Variants in PCM1 observed in about 807,000 individuals in gnomAD.
The protein encoded by PCM1 is pericentriolar material 1 protein.
PCM1 carries 157 observed loss-of-function variants against 241.9 expected under a neutral mutation model. That is an observed-to-expected ratio of 0.65 (90% confidence interval 0.57 to 0.74). PCM1 has a LOEUF of 0.74. PCM1 is among the 30% of genes least tolerant of loss of function. PCM1 has a pLI of 0.00. For missense variants in PCM1, 3,478 were observed against 2,360.1 expected, an observed-to-expected ratio of 1.47 and a Z score of -9.81; for synonymous variants, 1,085 against 784.9, an observed-to-expected ratio of 1.38 and a Z score of -6.39.
intron 18 of PCM1, among the ~76,000 whole-genome samples, chr8:17,965,776 G>T (rs208054): frequency 6.6e-6 from 1 of 152,202 alleles, no homozygotes; most frequent in South Asian, 2.1e-4. Flanking sequence ...GGACACTGCT[G>T]TGTAAAAACA....
At chr8:17,949,614 C>T (rs1347381757) in intron 7 of PCM1, among the ~76,000 whole-genome samples, 2 of 151,898 alleles carry the variant, frequency 1.3e-5, no homozygotes, top group African/African-American at 4.8e-5. Context: ...TCTCTCACCC[C>T]AGCCTCCTGA....
intron 38 of PCM1, among the ~76,000 whole-genome samples, chr8:18,026,439 T>G (rs903327707): frequency 7.3e-5 from 11 of 150,850 alleles, no homozygotes; most frequent in Non-Finnish European, 1.5e-4. Context: ...TTTGTATTTT[T>G]TAAGTAGAGA....
rs138894360 is a variant in PCM1, at chr8:17,963,281, A to G, written c.2644A>G (p.Arg882Gly). ...SENLCTPQQS[R>G]TEKTMATWGG... ...GAACCTATGTACTCCTCAGCAAAGT[A>G]GAACAGAAAAGTAAGAGAGCTGCAT... is the stretch of plus-strand genomic sequence containing the variant. Residue 882 changes from arginine (R) to glycine (G), a missense_variant, in exon 17 of 39, where the codon AGA (arginine) becomes GGA (glycine). Arg to Gly is a moderately radical substitution (Grantham distance 125). Transcript: ENST00000325083. 122 of 1,581,964 alleles carry G rather than the reference A, an allele frequency of 7.7e-5. No individual in the cohort carries two copies. The East Asian group carries it at 2.4e-3, about 31-fold the overall frequency.
chr8:17,980,655 C>G lies in PCM1; in HGVS notation c.4008C>G (p.Ala1336=), dbSNP rs1196972704. ...GCAAAAGTAGGAACAGACATTCAGCCCAGACTGAAGAGCCTGTTCAAGCAA... is the reference window on the plus strand; with the variant it reads ...GCAAAAGTAGGAACAGACATTCAGCGCAGACTGAAGAGCCTGTTCAAGCAA... ...EPCKSRNRHS[A]QTEEPVQAKV... Residue 1336 remains alanine, a synonymous_variant, in exon 24 of 39, where the codon GCC becomes GCG. Coordinates refer to ENST00000325083, the MANE Select transcript of PCM1 (RefSeq NM_006197.4). 3.6e-5 allele frequency: 58 copies of G among 1,612,934 alleles called. No homozygotes were observed. Among genetic ancestry groups the G allele is most frequent in the Non-Finnish European group, 4.4e-5 (52 of 1,179,420 alleles).
At chr8:17,991,447 C>T in intron 27 of PCM1, 95 bp from the exon 28 acceptor site, 1 of 1,053,382 alleles carries the variant, frequency 9.5e-7, no homozygotes, top group Non-Finnish European at 1.4e-6. Flanking sequence ...ATTTTCCTCC[C>T]TTTTGTTTGG....
intron 35 of PCM1, 118 bp from the exon 36 acceptor site, chr8:18,014,466 C>G (rs1280840246): frequency 1.3e-6 from 1 of 771,364 alleles, no homozygotes; most frequent in Non-Finnish European, 1.8e-6. Flanking sequence ...GTTGCCTTTT[C>G]TTTTTGGTCT....
Position 17,969,639 on chromosome 8 carries a change from C to T in PCM1, c.3475C>T (p.Pro1159Ser), listed in dbSNP as rs770952975. 11 of 1,612,370 alleles carry T rather than the reference C, an allele frequency of 6.8e-6. No homozygotes were observed. In the South Asian group the frequency reaches 1.1e-4, roughly 16 times the overall value. Reference protein sequence around the residue: ...FGDFSQNISTPSEQQQPLAQN... With the variant: ...FGDFSQNISTSSEQQQPLAQN... ...AGATTTTTCTCAGAATATCTCTACA[C>T]CCAGTGAACAGCAGCAACCCTTAGC... Residue 1159 changes from proline to serine, a missense_variant, in exon 22 of 39, where the codon CCC becomes TCC. Physicochemically the swap from Pro to Ser is moderately conservative, Grantham distance 74. Coordinates refer to ENST00000325083, the MANE Select transcript of PCM1 (RefSeq NM_006197.4).
chr8:17,936,124 C>T (rs1168038261), intron 3 of PCM1, among the ~76,000 whole-genome samples: 1 of 152,154 alleles, frequency 6.6e-6, no homozygotes. Flanking sequence ...TCCCATTGTT[C>T]TAAACCTTTT....
At chr8:17,975,197 G>C (rs1304584345) in intron 23 of PCM1, among the ~76,000 whole-genome samples, 1 of 152,096 alleles carries the variant, frequency 6.6e-6, no homozygotes, top group Non-Finnish European at 1.5e-5. Context: ...TTGTGCTATA[G>C]GAATGGTCAA....
chr8:17,986,466 AG>A (rs977782406), intron 26 of PCM1, among the ~76,000 whole-genome samples: 1 of 150,360 alleles, frequency 6.7e-6, no homozygotes, highest in Non-Finnish European at 1.5e-5. Flanking sequence ...AGGATAAATC[AG>A]GTCTTTGGGT....
At chr8:17,937,010 A>G (rs544054476) in intron 3 of PCM1, 124 bp from the exon 4 acceptor site, 7 of 691,230 alleles carry the variant, frequency 1.0e-5, no homozygotes, top group Admixed American at 9.1e-5. Flanking sequence ...CTCTAGGAGT[A>G]TAAGTCTGTC....
chr8:17,933,092 A>G (rs1050169413), intron 2 of PCM1, among the ~76,000 whole-genome samples: 1 of 152,194 alleles, frequency 6.6e-6, no homozygotes, highest in African/African-American at 2.4e-5. Context: ...TCTGTTAGCA[A>G]ATTGTTGTAT....
chr8:17,941,684 T>C (rs1454141407), intron 6 of PCM1, among the ~76,000 whole-genome samples: 1 of 152,174 alleles, frequency 6.6e-6, no homozygotes, highest in African/African-American at 2.4e-5. Context: ...CGGCCGTGCA[T>C]TGAGGACAAA....
rs1054820510 is a variant in PCM1, at chr8:18,025,297, T to G, written c.5842-64T>G. On this transcript the variant is annotated intron_variant, in intron 36 of 38. Coordinates refer to ENST00000325083, the MANE Select transcript of PCM1 (RefSeq NM_006197.4). ...GAATTACTGAGAAAATAATTCACTA[T>G]TTCTTTACATGGATGACTGGTTTGG... 5.8e-6 allele frequency: 5 copies of G among 865,896 alleles called. No individual in the cohort carries two copies. The African/African-American group carries it at 8.5e-5, about 15-fold the overall frequency. 53.6% of individuals were successfully genotyped at this position (865,896 alleles called of 1,614,324 possible).
chr8:18,009,680 C>A lies in PCM1; in HGVS notation c.5096C>A (p.Thr1699Asn). 1.3e-6 allele frequency: 2 copies of A among 1,553,836 alleles called. No individual in the cohort carries two copies. The highest frequency in any genetic ancestry group is 1.7e-6 in the Non-Finnish European group (2 of 1,151,592). Reference sequence around the variant, plus strand: ...CAAGATTTGGATAATAATAGTATAACTGTTAAACAGAGATGCAAAAGGAAA... The same window carrying A: ...CAAGATTTGGATAATAATAGTATAAATGTTAAACAGAGATGCAAAAGGAAA... Reference protein sequence around the residue: ...LMQDLDNNSITVKQRCKRKIE... With the variant: ...LMQDLDNNSINVKQRCKRKIE... The change falls in exon 31 of 39, where the codon ACT (threonine) becomes AAT (asparagine). Residue 1699 changes from threonine to asparagine, a missense_variant. Coordinates refer to ENST00000325083, the MANE Select transcript of PCM1 (RefSeq NM_006197.4).
chr8:17,974,894 A>AC (rs2078182499), intron 23 of PCM1, among the ~76,000 whole-genome samples: 1 of 134,854 alleles, frequency 7.4e-6, no homozygotes, highest in Non-Finnish European at 1.6e-5. Context: ...CACACACACA[A>AC]ATAAAAGGCT....
At chr8:18,027,198 A>G (rs1452218634) in intron 38 of PCM1, among the ~76,000 whole-genome samples, 8 of 152,198 alleles carry the variant, frequency 5.3e-5, no homozygotes, top group African/African-American at 1.9e-4. Flanking sequence ...TTTTCAGCCC[A>G]CTTCTACCTG....
At chr8:17,931,262 A>G (rs780263939) in intron 2 of PCM1, among the ~76,000 whole-genome samples, 15 of 152,112 alleles carry the variant, frequency 9.9e-5, no homozygotes, top group Non-Finnish European at 2.2e-4. Flanking sequence ...ATAGGGAAAT[A>G]GAATGCGTAA....
chr8:18,017,556 G>A (rs2093343382), intron 36 of PCM1, among the ~76,000 whole-genome samples: 4 of 152,158 alleles, frequency 2.6e-5, no homozygotes, highest in Admixed American at 6.6e-5. Flanking sequence ...CTCATTAGAT[G>A]AAGTTCCCAA....
Sources: allele counts gnomAD v4.1 joint callset (sites outside exome capture counted in the v4.1 genomes callset), GRCh38; gene constraint gnomAD v4.1.1; transcripts MANE v1.5; gene names NCBI Gene and HGNC (gene_info 2026-07-23, HGNC 2026-07-21).